SLC75A1: variants seen among roughly 807,000 people sequenced by gnomAD.
SLC75A1 encodes major facilitator superfamily domain containing 10.
chr4:2,931,886 G>A, the SLC75A1 span: 1 of 1,611,488 alleles, frequency 6.2e-7, no homozygotes, highest in South Asian at 1.1e-5. Context: ...CCCGAGAACA[G>A]GAAGAGGTAG....
the SLC75A1 span, chr4:2,933,151 G>T: frequency 6.2e-7 from 1 of 1,613,724 alleles, no homozygotes; most frequent in African/African-American, 1.3e-5. Flanking sequence ...AGTCAGAGGT[G>T]GCCCCAGTGA....
chr4:2,932,318 C>T, the SLC75A1 span: 8 of 1,600,070 alleles, frequency 5.0e-6, no homozygotes, highest in African/African-American at 8.1e-5. Context: ...GCCTCCAGCC[C>T]CTAGGCCTGT....
At chr4:2,932,509 C>T in the SLC75A1 span, 17 of 1,613,490 alleles carry the variant, frequency 1.1e-5, no homozygotes, top group East Asian at 1.1e-4. Context: ...ACCCCAATGA[C>T]CGCCTAGGGA....
At chr4:2,932,622 G>A in the SLC75A1 span, 1 of 1,613,244 alleles carries the variant, frequency 6.2e-7, no homozygotes, top group Non-Finnish European at 8.5e-7. Flanking sequence ...GCGGGCCAGA[G>A]GCGAGCCCAG....
At chr4:2,932,588 C>A in the SLC75A1 span, 1 of 1,613,130 alleles carries the variant, frequency 6.2e-7, no homozygotes, top group Non-Finnish European at 8.5e-7. Flanking sequence ...AAGGCCCAGC[C>A]TGTGCACTTA....
At chr4:2,932,445 A>G in the SLC75A1 span, 17 of 1,613,736 alleles carry the variant, frequency 1.1e-5, no homozygotes, top group South Asian at 1.9e-4. Context: ...TGCCATTTCC[A>G]GGGGCAGGGA....
chr4:2,934,818 G>C, the SLC75A1 span: 55 of 150,592 alleles, frequency 3.7e-4, no homozygotes, highest in African/African-American at 1.1e-3. Context: ...CGCGGAACAG[G>C]GCACCAGGCA....
chr4:2,932,899 C>G, the SLC75A1 span: 6 of 1,175,962 alleles, frequency 5.1e-6, no homozygotes, highest in Non-Finnish European at 4.7e-6. Flanking sequence ...TTCTCAGTGC[C>G]TTCCTAGGGG....
At chr4:2,930,726 C>T in the SLC75A1 span, 2 of 1,271,772 alleles carry the variant, frequency 1.6e-6, no homozygotes, top group South Asian at 1.5e-5. Context: ...GGGCCGGCCC[C>T]CACCCACAGG....
the SLC75A1 span, chr4:2,932,756 C>T: frequency 1.5e-5 from 23 of 1,560,586 alleles, no homozygotes; most frequent in Non-Finnish European, 2.0e-5. Flanking sequence ...TGGCCACACC[C>T]ATCTGCCCAG....
the SLC75A1 span, chr4:2,932,413 C>A: frequency 1.2e-5 from 20 of 1,613,492 alleles, no homozygotes; most frequent in Non-Finnish European, 1.4e-5. Context: ...TCGGAGGCTG[C>A]GAAGAGCAGG....
the SLC75A1 span, chr4:2,933,289 C>G: frequency 7.2e-7 from 1 of 1,382,008 alleles, no homozygotes; most frequent in South Asian, 1.2e-5. Flanking sequence ...CAATGTCCAG[C>G]CCCGTCCTGA....
At chr4:2,934,487 G>A in the SLC75A1 span, 1 of 22,870 alleles carries the variant, frequency 4.4e-5, no homozygotes, top group African/African-American at 1.8e-4. Flanking sequence ...GCGCGCCCCC[G>A]GTCCCGCCCC....
At chr4:2,934,097 C>A in the SLC75A1 span, 1 of 694,060 alleles carries the variant, frequency 1.4e-6, no homozygotes, top group Non-Finnish European at 2.4e-6. Flanking sequence ...CTGCGCGATG[C>A]CCCCGCCCCG....
the SLC75A1 span, chr4:2,931,380 G>T: frequency 3.2e-6 from 5 of 1,549,926 alleles, no homozygotes; most frequent in African/African-American, 6.8e-5. Flanking sequence ...CTCACCAAAG[G>T]AGTAGAGCAG....
chr4:2,931,154 TG>T, the SLC75A1 span: 3 of 1,561,304 alleles, frequency 1.9e-6, no homozygotes, highest in South Asian at 3.5e-5. Flanking sequence ...GGTGAGCCTG[TG>T]GGAAGAGGCA....
At chr4:2,933,227 C>G in the SLC75A1 span, 10 of 1,609,054 alleles carry the variant, frequency 6.2e-6, no homozygotes, top group African/African-American at 1.3e-4. Flanking sequence ...ACAGATGTCA[C>G]CATCATGGGG....
chr4:2,933,533 A>G, the SLC75A1 span: 35 of 1,607,554 alleles, frequency 2.2e-5, no homozygotes, highest in Non-Finnish European at 2.7e-5. Context: ...ATAGGACCGT[A>G]GAGAGCCCGC....
the SLC75A1 span, chr4:2,931,745 T>G: frequency 6.5e-7 from 1 of 1,548,144 alleles, no homozygotes; most frequent in Non-Finnish European, 8.8e-7. Context: ...TGCCAAGGCT[T>G]CCTGGGGATG....
Sources: allele counts gnomAD v4.1 joint callset, GRCh38; gene constraint gnomAD v4.1.1; transcripts MANE v1.5; gene names NCBI Gene and HGNC (gene_info 2026-07-23, HGNC 2026-07-21).